Variants in ASTN2 observed in about 807,000 individuals in gnomAD.
ASTN2 encodes astrotactin-2.
In ASTN2, 54 loss-of-function variants were observed where a neutral mutation model predicts 139.8. The observed-to-expected ratio is 0.39, with a 90% confidence interval of 0.31 to 0.48. The LOEUF (loss-of-function observed/expected upper bound fraction) is 0.48, where lower values mean the gene tolerates loss of function less well. ASTN2 is among the 20% of genes least tolerant of loss of function. The pLI is 0.95. For missense variants in ASTN2, 1,565 were observed against 1,725.1 expected, an observed-to-expected ratio of 0.91 and a Z score of 1.64; for synonymous variants, 756 against 719.5, an observed-to-expected ratio of 1.05 and a Z score of -0.81.
At chr9:117,386,836 C>A (rs1830412933) in intron 1 of ASTN2, among the ~76,000 whole-genome samples, 1 of 152,166 alleles carries the variant, frequency 6.6e-6, no homozygotes, top group Non-Finnish European at 1.5e-5. Context: ...TCCTCCTACA[C>A]CCACAGAGCT....
chr9:117,060,959 C>G (rs1839272674), intron 5 of ASTN2, among the ~76,000 whole-genome samples: 1 of 151,880 alleles, frequency 6.6e-6, no homozygotes. Context: ...AGAATTTACA[C>G]TAGGAAAATT....
chr9:117,397,674 G>A (rs7864308), intron 1 of ASTN2, among the ~76,000 whole-genome samples: 284 of 152,236 alleles, frequency 1.9e-3, no homozygotes, highest in Non-Finnish European at 3.1e-3. Flanking sequence ...AAATGTTTAC[G>A]GTGCGTCTAT....
chr9:116,996,098 A>C (rs1707488304), intron 7 of ASTN2, among the ~76,000 whole-genome samples: 2 of 152,138 alleles, frequency 1.3e-5, no homozygotes, highest in South Asian at 4.2e-4. Context: ...ACTCAAGTTC[A>C]CTTGATCTCA....
chr9:117,254,656 A>C (rs1446238903), intron 2 of ASTN2, among the ~76,000 whole-genome samples: 1 of 152,194 alleles, frequency 6.6e-6, no homozygotes, highest in East Asian at 1.9e-4. Flanking sequence ...ATAAATACAG[A>C]CAGTTGTATA....
chr9:116,432,397 T>C (rs1271624972), intron 22 of ASTN2, among the ~76,000 whole-genome samples: 1 of 152,220 alleles, frequency 6.6e-6, no homozygotes, highest in Non-Finnish European at 1.5e-5. Context: ...ACCAGTTGAA[T>C]ATCAGAAGAC....
chr9:116,783,934 T>A (rs985510846), intron 13 of ASTN2, among the ~76,000 whole-genome samples: 1 of 152,198 alleles, frequency 6.6e-6, no homozygotes, highest in African/African-American at 2.4e-5. Context: ...TCTTGGAAAT[T>A]TATAATAATG....
chr9:117,041,115 T>C (rs571423086), intron 5 of ASTN2, among the ~76,000 whole-genome samples: 2 of 152,240 alleles, frequency 1.3e-5, no homozygotes, highest in Admixed American at 6.5e-5. Context: ...GAAAAGTAGA[T>C]TGGATCTGCA....
intron 6 of ASTN2, among the ~76,000 whole-genome samples, chr9:117,010,430 A>T (rs1372949758): frequency 3.9e-5 from 6 of 152,166 alleles, no homozygotes; most frequent in Non-Finnish European, 8.8e-5. Flanking sequence ...ATTGTGTCCC[A>T]GGGCTGAGTT....
intron 16 of ASTN2, chr9:116,686,759 T>A: frequency 6.4e-7 from 1 of 1,550,624 alleles, no homozygotes; most frequent in Non-Finnish European, 8.7e-7. Flanking sequence ...GCTGTCGGCC[T>A]CCCAGCTGAG....
At chr9:116,499,302 AAAGGTCGATTGAATGAATC>A (rs368541629) in intron 19 of ASTN2, among the ~76,000 whole-genome samples, 3,924 of 152,268 alleles carry the variant, frequency 0.026, 147 homozygotes, top group African/African-American at 0.081. Flanking sequence ...GCTATTCATT[AAAGGTCGATTGAATGAATC>A]AAGGCAGGGA....
intron 10 of ASTN2, among the ~76,000 whole-genome samples, chr9:116,868,968 T>C (rs1833085225): frequency 6.6e-6 from 1 of 152,184 alleles, no homozygotes; most frequent in Non-Finnish European, 1.5e-5. Context: ...GTGGATCACC[T>C]GAGGTCAGGA....
At chr9:117,071,605 C>G (rs1033802906) in intron 5 of ASTN2, among the ~76,000 whole-genome samples, 55 of 150,172 alleles carry the variant, frequency 3.7e-4, no homozygotes, top group Non-Finnish European at 7.0e-4. Context: ...CGCCCCTCCC[C>G]CAGCCTCGCT....
At chr9:117,174,249 C>T (rs1297948458) in intron 3 of ASTN2, among the ~76,000 whole-genome samples, 1 of 151,910 alleles carries the variant, frequency 6.6e-6, no homozygotes, top group Non-Finnish European at 1.5e-5. Flanking sequence ...ATAATACTAT[C>T]TGCTAAATAT....
rs12005066 is a variant in ASTN2, at chr9:116,485,843, G to A, written c.3497+1516C>T. Among the ~76,000 whole-genome samples the A allele has an allele frequency of 9.0e-3, 1,378 of 152,278 alleles. 26 individuals are homozygous for A. The highest frequency in any genetic ancestry group is 0.031 in the African/African-American group (1,296 of 41,546). ...TGCCAGCTTTTGGTGATATTCTTGA[G>A]TTTGGTGACCCAACACATTGGTTGT... On this transcript the variant is annotated intron_variant, in intron 20 of 22. Coordinates refer to ENST00000313400, the MANE Select transcript of ASTN2 (RefSeq NM_001365068.1).
At chr9:116,705,072 C>A (rs1827957145) in intron 16 of ASTN2, among the ~76,000 whole-genome samples, 1 of 152,132 alleles carries the variant, frequency 6.6e-6, no homozygotes, top group African/African-American at 2.4e-5. Flanking sequence ...AAGTAAGCCA[C>A]AAATATCCCT....
intron 2 of ASTN2, among the ~76,000 whole-genome samples, chr9:117,230,011 A>G (rs1418133758): frequency 3.9e-5 from 6 of 151,994 alleles, no homozygotes; most frequent in African/African-American, 1.4e-4. Flanking sequence ...ATCTCTACAA[A>G]AAATAAAAAT....
intron 19 of ASTN2, among the ~76,000 whole-genome samples, chr9:116,509,194 T>C (rs1850251125): frequency 6.6e-6 from 1 of 152,134 alleles, no homozygotes. Context: ...GCGTGTGATG[T>C]TCCCCATCCT....
At chr9:116,594,136 T>C (rs1291207674) in intron 19 of ASTN2, among the ~76,000 whole-genome samples, 1 of 152,202 alleles carries the variant, frequency 6.6e-6, no homozygotes, top group Non-Finnish European at 1.5e-5. Flanking sequence ...GATAGGGAGC[T>C]AGAGAAGACA....
intron 3 of ASTN2, among the ~76,000 whole-genome samples, chr9:117,207,229 G>A (rs1027234791): frequency 2.6e-5 from 4 of 152,038 alleles, no homozygotes; most frequent in Non-Finnish European, 5.9e-5. Flanking sequence ...CAGGTTGGAT[G>A]AGCAGCTATA....
Sources: allele counts gnomAD v4.1 joint callset (sites outside exome capture counted in the v4.1 genomes callset), GRCh38; gene constraint gnomAD v4.1.1; transcripts MANE v1.5; gene names NCBI Gene and HGNC (gene_info 2026-07-23, HGNC 2026-07-21).